The following GRB10 variants were observed in gnomAD, a reference collection of about 807,000 sequenced individuals.
GRB10 encodes growth factor receptor bound protein 10, also known as growth factor receptor-bound protein 10.
Under a neutral mutation model 80.9 loss-of-function variants are expected in GRB10, and 20 were observed. That is an observed-to-expected ratio of 0.25 (90% CI 0.17 to 0.36). GRB10 has a LOEUF of 0.36. GRB10 is among the 10% of genes least tolerant of loss of function. The probability of loss-of-function intolerance (pLI) is 1.00; values close to 1 mark genes in which losing one functional copy is unlikely to be tolerated. For synonymous variants in GRB10, 291 were observed against 291.5 expected (o/e 1.00, Z 0.02); for missense variants, 548 against 747.7 (o/e 0.73, Z 3.12).
intron 2 of GRB10, among the ~76,000 whole-genome samples, chr7:50,756,879 G>A (rs376149784): frequency 1.3e-5 from 2 of 152,192 alleles, no homozygotes; most frequent in African/African-American, 4.8e-5. Context: ...CACAGAGAAT[G>A]GCTTAGCAGT....
intron 2 of GRB10, 88 bp from the exon 3 acceptor site, chr7:50,756,144 A>G: frequency 5.0e-6 from 2 of 398,288 alleles, no homozygotes. Flanking sequence ...AACTTTTAAA[A>G]CAGACATGAA....
At chr7:50,735,917 G>A (rs2070718290) in intron 3 of GRB10, among the ~76,000 whole-genome samples, 1 of 152,102 alleles carries the variant, frequency 6.6e-6, no homozygotes, top group South Asian at 2.1e-4. Context: ...AAATTCATAT[G>A]GCTTCTCAAG....
intron 3 of GRB10, among the ~76,000 whole-genome samples, chr7:50,743,550 C>G (rs575653849): frequency 6.6e-6 from 1 of 152,194 alleles, no homozygotes; most frequent in African/African-American, 2.4e-5. Flanking sequence ...AGCAGCATCC[C>G]CACTCAACCG....
intron 7 of GRB10, among the ~76,000 whole-genome samples, chr7:50,646,906 C>T (rs1298199858): frequency 1.3e-5 from 2 of 152,310 alleles, no homozygotes; most frequent in African/African-American, 2.4e-5. Context: ...CTGGTAAGGC[C>T]GGTGGGGCCA....
chr7:50,684,595 A>T (rs1404346956), intron 5 of GRB10, among the ~76,000 whole-genome samples: 4 of 152,196 alleles, frequency 2.6e-5, no homozygotes, highest in African/African-American at 9.7e-5. Flanking sequence ...AACACAGGAA[A>T]ACAAATTTTC....
chr7:50,729,718 C>T (rs767296450), intron 4 of GRB10, among the ~76,000 whole-genome samples: 1 of 151,950 alleles, frequency 6.6e-6, no homozygotes, highest in Non-Finnish European at 1.5e-5. Context: ...ACCCTACTAA[C>T]GGAGCCCCCC....
At chr7:50,601,450 G>A (rs1253546741) in intron 17 of GRB10, among the ~76,000 whole-genome samples, 1 of 152,200 alleles carries the variant, frequency 6.6e-6, no homozygotes, top group Non-Finnish European at 1.5e-5. Context: ...CAGAACCATA[G>A]AGAAGAATTA....
intron 5 of GRB10, among the ~76,000 whole-genome samples, chr7:50,695,674 A>G (rs2063343465): frequency 6.6e-6 from 1 of 152,114 alleles, no homozygotes; most frequent in Non-Finnish European, 1.5e-5. Context: ...ACCAACTCTT[A>G]CTGAGGTGAA....
intron 2 of GRB10, among the ~76,000 whole-genome samples, chr7:50,766,159 C>T (rs1041230252): frequency 7.2e-5 from 11 of 152,158 alleles, no homozygotes; most frequent in African/African-American, 2.7e-4. Context: ...ATGTTTTCAT[C>T]CAGTTTCAGG....
At chr7:50,680,661 C>T (rs540221630) in intron 5 of GRB10, among the ~76,000 whole-genome samples, 10 of 152,240 alleles carry the variant, frequency 6.6e-5, no homozygotes, top group African/African-American at 2.4e-4. Flanking sequence ...TAAAATGGGA[C>T]AAAAATAAAC....
chr7:50,661,472 T>C (rs2059264986), intron 7 of GRB10, among the ~76,000 whole-genome samples: 1 of 152,256 alleles, frequency 6.6e-6, no homozygotes, highest in Non-Finnish European at 1.5e-5. Context: ...GAATCTTTAT[T>C]GGCTGAAGGA....
intron 4 of GRB10, 90 bp from the exon 5 acceptor site, chr7:50,703,998 C>T: frequency 1.2e-6 from 1 of 846,772 alleles, no homozygotes; most frequent in Non-Finnish European, 2.0e-6. Flanking sequence ...CATTTCCTTT[C>T]TTCCTCAATT....
intron 3 of GRB10, among the ~76,000 whole-genome samples, chr7:50,743,471 G>A (rs141861334): frequency 3.9e-5 from 6 of 152,322 alleles, no homozygotes; most frequent in Non-Finnish European, 5.9e-5. Context: ...ACCACTTTAC[G>A]GTGGCCACAT....
At chr7:50,777,615 C>T (rs1285036152) in intron 2 of GRB10, among the ~76,000 whole-genome samples, 2 of 151,758 alleles carry the variant, frequency 1.3e-5, no homozygotes, top group African/African-American at 4.8e-5. Context: ...TACATGCACA[C>T]CTATGTTTAT....
intron 3 of GRB10, among the ~76,000 whole-genome samples, chr7:50,747,011 TC>T (rs1168103800): frequency 6.6e-6 from 1 of 152,182 alleles, no homozygotes; most frequent in Non-Finnish European, 1.5e-5. Context: ...TCTCTCTGCA[TC>T]CCTCTGCAAG....
chr7:50,662,025 C>T (rs2059331031), intron 7 of GRB10, among the ~76,000 whole-genome samples: 1 of 152,240 alleles, frequency 6.6e-6, no homozygotes, highest in Admixed American at 6.5e-5. Flanking sequence ...ATCCTGAAAG[C>T]AGGTGAAGCA....
chr7:50,617,927 C>A (rs1232792020), intron 10 of GRB10, 144 bp downstream of exon 10: 2 of 758,594 alleles, frequency 2.6e-6, no homozygotes, highest in African/African-American at 1.7e-5. Context: ...ACCCTCCCCC[C>A]AACCACCCCT....
chr7:50,690,320 C>CAAACA (rs1403293780), intron 5 of GRB10, among the ~76,000 whole-genome samples: 12 of 148,802 alleles, frequency 8.1e-5, no homozygotes, highest in South Asian at 2.1e-4. Context: ...AACAAACAAA[C>CAAACA]AAAAAAAACA....
At chr7:50,653,905 A>G (rs2058319880) in intron 7 of GRB10, among the ~76,000 whole-genome samples, 1 of 152,230 alleles carries the variant, frequency 6.6e-6, no homozygotes, top group South Asian at 2.1e-4. Context: ...GTAAGTGATT[A>G]CAGACACTAA....
Sources: gnomAD v4.1 joint callset for allele counts (sites outside exome capture counted in the v4.1 genomes callset) on GRCh38, gnomAD v4.1.1 for gene constraint, MANE v1.5 for transcripts, NCBI Gene and HGNC (gene_info 2026-07-23, HGNC 2026-07-21) for gene names.